The following ITPK1 variants were observed in gnomAD, a reference collection of about 807,000 sequenced individuals.
ITPK1 encodes the protein inositol 1,3,4-trisphosphate 5/6-kinase.
A neutral mutation model predicts 45.3 loss-of-function variants in ITPK1; 21 were observed. That is an observed-to-expected ratio of 0.46 (90% confidence interval 0.33 to 0.67). The LOEUF is 0.67. ITPK1 is among the 30% of genes least tolerant of loss of function. The pLI is 0.02. For synonymous variants in ITPK1, 258 were observed against 253.6 expected, an observed-to-expected ratio of 1.02 and a Z score of -0.16; for missense variants, 474 against 573.5, an observed-to-expected ratio of 0.83 and a Z score of 1.77.
chr14:93,060,571 C>T lies in ITPK1; in HGVS notation c.120+16024G>A, dbSNP rs373170359. Among the ~76,000 whole-genome samples, 280 of 152,280 alleles carry T rather than the reference C, an allele frequency of 1.8e-3. 3 individuals are homozygous for T. In the South Asian group the frequency reaches 0.02, roughly 11 times the overall value. The stretch of plus-strand genomic sequence containing the variant: ...CAGGAATGGAGGGGACCCTGCTCTG[C>T]TGCAAAAGGCCCATGCTTGCAAGGT... On this transcript the variant is annotated intron_variant, in intron 3 of 10. Coordinates refer to ENST00000267615, the MANE Select transcript of ITPK1 (RefSeq NM_014216.6).
intron 2 of ITPK1, among the ~76,000 whole-genome samples, chr14:93,112,668 G>T (rs927183399): frequency 6.6e-6 from 1 of 151,936 alleles, no homozygotes; most frequent in Admixed American, 6.6e-5. Flanking sequence ...TCGATCTCCT[G>T]ACCTCGTGAC....
chr14:92,975,770 A>G (rs553047332), intron 5 of ITPK1, among the ~76,000 whole-genome samples: 11 of 152,268 alleles, frequency 7.2e-5, no homozygotes, highest in African/African-American at 2.4e-4. Context: ...TTATAGCATC[A>G]GCTCTCCTGG....
In ITPK1 at chr14:92,938,782, A is replaced by C. The variant is rs2139683116; in HGVS notation, c.*2779T>G. ...GGCTCTTGGGGTGGGGACACCCAGC[A>C]GCTGGCACTCAGTTGGGGGGTTATG... On this transcript the variant is annotated 3_prime_UTR_variant, in exon 11 of 11. Transcript: ENST00000267615. The C allele has an allele frequency of 2.2e-5, 13 of 590,510 alleles. No homozygotes were observed. In the East Asian group the frequency reaches 3.7e-4, roughly 17 times the overall value. 36.6% of individuals were successfully genotyped at this position (590,510 alleles called of 1,614,324 possible).
intron 2 of ITPK1, among the ~76,000 whole-genome samples, chr14:93,079,557 G>A (rs1566774536): frequency 6.6e-6 from 1 of 152,174 alleles, no homozygotes; most frequent in Non-Finnish European, 1.5e-5. Flanking sequence ...CAGCCTCCAG[G>A]GCCTCAGTGC....
intron 7 of ITPK1, among the ~76,000 whole-genome samples, chr14:92,961,441 A>T (rs1215741081): frequency 6.6e-6 from 1 of 152,196 alleles, no homozygotes; most frequent in East Asian, 1.9e-4. Flanking sequence ...TCATAGAGTG[A>T]ATAAAAGAAT....
chr14:92,992,380 T>C (rs1000265247), intron 5 of ITPK1, among the ~76,000 whole-genome samples: 12 of 152,240 alleles, frequency 7.9e-5, no homozygotes, highest in Admixed American at 2.0e-4. Flanking sequence ...CATCTGGGAT[T>C]CTGGATGGAT....
chr14:93,037,938 A>G (rs978021986), intron 3 of ITPK1, among the ~76,000 whole-genome samples: 1 of 152,120 alleles, frequency 6.6e-6, no homozygotes, highest in East Asian at 1.9e-4. Flanking sequence ...TACATAACGT[A>G]CTCCTCCAAG....
intron 3 of ITPK1, among the ~76,000 whole-genome samples, chr14:93,072,794 A>G (rs1373964455): frequency 2.0e-5 from 3 of 152,122 alleles, no homozygotes. Flanking sequence ...TTGGGGGGGA[A>G]CCCTCAGACG....
At chr14:93,088,309 T>C (rs1297045432) in intron 2 of ITPK1, among the ~76,000 whole-genome samples, 2 of 151,128 alleles carry the variant, frequency 1.3e-5, no homozygotes, top group Non-Finnish European at 2.9e-5. Context: ...GTGGGTACAA[T>C]GGTTGCATCT....
intron 3 of ITPK1, among the ~76,000 whole-genome samples, chr14:93,020,204 T>TGCAAACCCCA: frequency 6.6e-6 from 1 of 152,350 alleles, no homozygotes; most frequent in Middle Eastern, 3.4e-3. Context: ...CACAAAGGCC[T>TGCAAACCCCA]GCAAACCCCA....
At chr14:92,969,146 A>C (rs1885525319) in intron 5 of ITPK1, among the ~76,000 whole-genome samples, 1 of 152,152 alleles carries the variant, frequency 6.6e-6, no homozygotes, top group Non-Finnish European at 1.5e-5. Context: ...ACCAACAGAA[A>C]AACATGTTGA....
intron 2 of ITPK1, among the ~76,000 whole-genome samples, chr14:93,091,637 C>G (rs1357185123): frequency 6.6e-6 from 1 of 152,190 alleles, no homozygotes; most frequent in Non-Finnish European, 1.5e-5. Context: ...GCATGTAACT[C>G]AGGACACTGC....
chr14:92,988,380 A>G (rs1886605157), intron 5 of ITPK1, among the ~76,000 whole-genome samples: 1 of 152,226 alleles, frequency 6.6e-6, no homozygotes. Flanking sequence ...AGATGAGTGA[A>G]CAACTCAGGG....
intron 3 of ITPK1, among the ~76,000 whole-genome samples, chr14:93,044,821 C>T (rs976281420): frequency 6.6e-5 from 10 of 152,206 alleles, no homozygotes; most frequent in African/African-American, 2.2e-4. Context: ...AAGAAAAACC[C>T]GACACCGTGA....
chr14:92,995,694 C>A (rs17128721), intron 4 of ITPK1, among the ~76,000 whole-genome samples: 17,895 of 152,254 alleles, frequency 0.12, 1,391 homozygotes, highest in East Asian at 0.23. Context: ...AGATGCGGGG[C>A]AGAACCCTCC....
chr14:93,073,347 G>A (rs559732794), intron 3 of ITPK1, among the ~76,000 whole-genome samples: 12 of 152,272 alleles, frequency 7.9e-5, no homozygotes. Flanking sequence ...AGGGAAGAAG[G>A]GCTCCCGAGC....
chr14:93,066,164 C>T (rs1890735067), intron 3 of ITPK1: 1 of 442,464 alleles, frequency 2.3e-6, no homozygotes, highest in South Asian at 1.6e-5. Context: ...AGCACAATAC[C>T]TCAGTCCTTA....
Position 93,016,868 on chromosome 14 carries a change from T to C in ITPK1, c.121-67A>G. The C allele has an allele frequency of 6.3e-7, 1 of 1,592,660 alleles. No homozygotes were observed. Among genetic ancestry groups the C allele is most frequent in the Non-Finnish European group, 8.6e-7 (1 of 1,169,006 alleles). ...CCTGAGTCCACTGCCCCCATCCTCTTGTCCACCCTGGGGCATATCACCAGA... is the reference window on the plus strand; with the variant it reads ...CCTGAGTCCACTGCCCCCATCCTCTCGTCCACCCTGGGGCATATCACCAGA... On this transcript the variant is annotated intron_variant, in intron 3 of 10. Transcript: ENST00000267615. This position sits in a 1 kb window ranked among gnomAD's most constrained non-coding sequence, Gnocchi z 5.0.
intron 4 of ITPK1, among the ~76,000 whole-genome samples, chr14:93,010,791 C>T (rs1887854184): frequency 6.6e-6 from 1 of 152,126 alleles, no homozygotes; most frequent in Non-Finnish European, 1.5e-5. Context: ...CTGAGTGGCT[C>T]GTACGCATCA....
Sources: gnomAD v4.1 joint callset for allele counts (sites outside exome capture counted in the v4.1 genomes callset) on GRCh38, gnomAD v4.1.1 for gene constraint, Gnocchi (gnomAD v3.1) non-coding constraint, MANE v1.5 for transcripts, NCBI Gene and HGNC (gene_info 2026-07-23, HGNC 2026-07-21) for gene names.